SLC38A1: variants seen among roughly 807,000 people sequenced by gnomAD.
SLC38A1 encodes sodium-coupled neutral amino acid symporter 1.
SLC38A1 carries 18 observed loss-of-function variants against 60.3 expected under a neutral mutation model. The observed-to-expected ratio is 0.30, with a 90% CI of 0.21 to 0.44. The LOEUF (loss-of-function observed/expected upper bound fraction) is 0.44, where lower values mean the gene tolerates loss of function less well. Ranked by LOEUF, SLC38A1 falls within the 20% of genes least tolerant of loss-of-function variation. The pLI is 1.00. For synonymous variants in SLC38A1, 196 were observed against 212.1 expected (o/e 0.92, Z 0.66); for missense variants, 448 against 587.2 (o/e 0.76, Z 2.45).
In SLC38A1 at chr12:46,201,108, C is replaced by A; in HGVS notation, c.993G>T (p.Leu331Phe). 1 of 1,606,588 alleles carries A rather than the reference C, an allele frequency of 6.2e-7. No individual in the cohort carries two copies. Among genetic ancestry groups the A allele is most frequent in the Non-Finnish European group, 8.5e-7 (1 of 1,174,118 alleles). ...MYFLTAIFGY[L>F]TFYDNVQSDL... is the part of the protein sequence containing the mutation. ...GTAGAAATTACTTACCATAGAATGT[C>A]AAGTAGCCAAAAATGGCAGTCAAGA... Residue 331 changes from leucine (L) to phenylalanine (F), a missense_variant, in exon 13 of 17, where the codon TTG becomes TTT. This residue lies in a region of SLC38A1 where 346 missense variants were observed against 497.5 expected (regional missense o/e 0.70). Transcript: ENST00000398637.
chr12:46,268,714 A>G lies in SLC38A1; in HGVS notation c.-397T>C. The G allele has an allele frequency of 3.4e-6, 1 of 293,748 alleles. No homozygotes were observed. Among genetic ancestry groups the G allele is most frequent in the South Asian group, 2.4e-5 (1 of 41,994 alleles). 18.2% of individuals were successfully genotyped at this position (293,748 alleles called of 1,614,324 possible). ...CCTGGCGGATTTCGGAGGAAGGTGA[A>G]GGGCGGAGGCTCCTGGCGACCTTCT... On this transcript the variant is annotated 5_prime_UTR_variant, in exon 1 of 17. Transcript: ENST00000398637. The surrounding 1 kb of genome is among the most constrained non-coding windows in gnomAD (Gnocchi z 4.4).
At chr12:46,192,685 A>G (rs973751438) in intron 16 of SLC38A1, among the ~76,000 whole-genome samples, 2 of 152,104 alleles carry the variant, frequency 1.3e-5, no homozygotes, top group African/African-American at 4.8e-5. Flanking sequence ...CCAGGAATTT[A>G]TACATTTCTT....
At chr12:46,248,938 C>T (rs186803375) in intron 1 of SLC38A1, among the ~76,000 whole-genome samples, 222 of 152,140 alleles carry the variant, frequency 1.5e-3, no homozygotes, top group African/African-American at 5.0e-3. Flanking sequence ...GGGCAGATCA[C>T]GAGTTCAGGA....
rs192952100 is a variant in SLC38A1, at chr12:46,203,443, T to C, written c.823-354A>G. Among the ~76,000 whole-genome samples the C allele has an allele frequency of 2.8e-3, 433 of 152,288 alleles. 2 individuals carry two copies. The highest frequency in any genetic ancestry group is 0.01 in the African/African-American group (419 of 41,564). ...CAGCAATCCCAAGCAGTAGGCAGAC[T>C]GTGGCTGTTCTCCTGGCTCCCTCCA... On this transcript the variant is annotated intron_variant, in intron 11 of 16. Coordinates refer to ENST00000398637, the MANE Select transcript of SLC38A1 (RefSeq NM_030674.4).
chr12:46,230,854 CTTAAA>C (rs1819039566), intron 3 of SLC38A1, among the ~76,000 whole-genome samples: 2 of 152,118 alleles, frequency 1.3e-5, no homozygotes, highest in African/African-American at 4.8e-5. Context: ...TTGGTGGGAA[CTTAAA>C]TTAAGACAGT....
chr12:46,188,751 A>C lies in SLC38A1; in HGVS notation c.*219T>G, dbSNP rs1219843335. The C allele has an allele frequency of 4.6e-6, 2 of 430,586 alleles. No individual in the cohort carries two copies. Among genetic ancestry groups the C allele is most frequent in the Non-Finnish European group, 8.3e-6 (2 of 239,558 alleles). The allele number at this position is 430,586 out of a possible 1,614,324, so 26.7% of individuals were successfully genotyped here. A position where few individuals can be genotyped will look rare whatever the true frequency, so the allele number is the denominator to read the frequency against. On this transcript the variant is annotated 3_prime_UTR_variant, in exon 17 of 17. Coordinates refer to ENST00000398637, the MANE Select transcript of SLC38A1 (RefSeq NM_030674.4). The stretch of plus-strand genomic sequence containing the variant: ...AAATATGATTGTATGAAATTTGAAA[A>C]AAAAATTTCACAATCCCTAAATTGA...
chr12:46,245,008 AC>A (rs1431150247), intron 1 of SLC38A1, among the ~76,000 whole-genome samples: 1 of 152,178 alleles, frequency 6.6e-6, no homozygotes, highest in African/African-American at 2.4e-5. Context: ...TTTTATGCCC[AC>A]CATCACCTGG....
intron 1 of SLC38A1, among the ~76,000 whole-genome samples, chr12:46,266,922 C>T (rs888281802): frequency 1.3e-5 from 2 of 152,090 alleles, no homozygotes; most frequent in African/African-American, 4.8e-5. Flanking sequence ...TCCAGGGGGT[C>T]CACACCAGGT....
intron 14 of SLC38A1, 38 bp downstream of exon 14, chr12:46,198,585 ACC>A (rs1565752059): frequency 2.2e-6 from 3 of 1,367,660 alleles, no homozygotes; most frequent in Non-Finnish European, 3.0e-6. Flanking sequence ...GAAAGCCGAG[ACC>A]TCAGCTTTTC....
At chr12:46,242,336 T>G (rs1212509696) in intron 2 of SLC38A1, among the ~76,000 whole-genome samples, 1 of 152,186 alleles carries the variant, frequency 6.6e-6, no homozygotes, top group Non-Finnish European at 1.5e-5. Flanking sequence ...TAGTATCAGT[T>G]CAACTTATCA....
chr12:46,193,834 A>G (rs1053033056), intron 16 of SLC38A1, among the ~76,000 whole-genome samples: 2 of 152,092 alleles, frequency 1.3e-5, no homozygotes, highest in African/African-American at 4.8e-5. Flanking sequence ...CATCTTTGCA[A>G]ATGAGATGGG....
chr12:46,260,008 G>A (rs1942150056), intron 1 of SLC38A1, among the ~76,000 whole-genome samples: 1 of 152,156 alleles, frequency 6.6e-6, no homozygotes, highest in Non-Finnish European at 1.5e-5. Flanking sequence ...ACTTCTCTTT[G>A]CCTTAGTTTC....
intron 1 of SLC38A1, among the ~76,000 whole-genome samples, chr12:46,250,332 G>A (rs531512333): frequency 2.0e-5 from 3 of 152,178 alleles, no homozygotes; most frequent in South Asian, 2.1e-4. Context: ...TTGATGGAAC[G>A]TTTCTCAAAA....
chr12:46,217,490 T>C (rs1313226117), intron 5 of SLC38A1, among the ~76,000 whole-genome samples: 1 of 152,214 alleles, frequency 6.6e-6, no homozygotes, highest in Admixed American at 6.5e-5. Flanking sequence ...TTCAAAATGG[T>C]TTAATGGTTA....
chr12:46,253,137 T>C (rs1283870678), intron 1 of SLC38A1, among the ~76,000 whole-genome samples: 3 of 152,116 alleles, frequency 2.0e-5, no homozygotes, highest in South Asian at 2.1e-4. Context: ...AGGGAGCAAA[T>C]GTACAACATG....
chr12:46,196,973 C>T (rs1016697620), intron 16 of SLC38A1, among the ~76,000 whole-genome samples: 2 of 152,222 alleles, frequency 1.3e-5, no homozygotes, highest in Non-Finnish European at 2.9e-5. Flanking sequence ...TAAGCTAACT[C>T]AGACATTTTA....
intron 5 of SLC38A1, 50 bp from the exon 6 acceptor site, chr12:46,209,177 T>C: frequency 7.6e-7 from 1 of 1,310,314 alleles, no homozygotes; most frequent in Non-Finnish European, 1.1e-6. Flanking sequence ...AAGAATATAT[T>C]CTGGCATTAC....
intron 11 of SLC38A1, 68 bp downstream of exon 11, chr12:46,204,233 C>T: frequency 3.0e-6 from 3 of 985,900 alleles, no homozygotes; most frequent in Non-Finnish European, 4.9e-6. Flanking sequence ...AGTGCAATTA[C>T]AAGCATGAGA....
intron 1 of SLC38A1, among the ~76,000 whole-genome samples, chr12:46,251,222 C>T (rs960653399): frequency 1.2e-4 from 18 of 152,136 alleles, no homozygotes; most frequent in Non-Finnish European, 2.6e-4. Context: ...TTTGACAAAC[C>T]TGACAAAAGC....
Sources: gnomAD v4.1 joint callset for allele counts (sites outside exome capture counted in the v4.1 genomes callset) on GRCh38, gnomAD v4.1.1 for gene constraint, gnomAD v4.1.1 regional missense constraint, Gnocchi (gnomAD v3.1) non-coding constraint, MANE v1.5 for transcripts, NCBI Gene and HGNC (gene_info 2026-07-23, HGNC 2026-07-21) for gene names.